Variants in DUSP10 observed in about 807,000 individuals in gnomAD.
DUSP10 encodes dual specificity phosphatase 10.
Under a neutral mutation model 30.8 loss-of-function variants are expected in DUSP10, and 14 were observed. The observed-to-expected ratio is 0.46, with a 90% CI of 0.30 to 0.71. The LOEUF is 0.71. Ranked by LOEUF, DUSP10 falls within the 30% of genes least tolerant of loss-of-function variation. DUSP10 has a pLI of 0.08. For synonymous variants in DUSP10, 254 were observed against 250.4 expected, an observed-to-expected ratio of 1.01 and a Z score of -0.14; for missense variants, 550 against 619.4, an observed-to-expected ratio of 0.89 and a Z score of 1.19.
intron 2 of DUSP10, among the ~76,000 whole-genome samples, chr1:221,714,234 C>G (rs965508652): frequency 1.3e-5 from 2 of 152,122 alleles, no homozygotes; most frequent in East Asian, 3.8e-4. Context: ...CATAGTGATA[C>G]AGGAGTTAAG....
At chr1:221,703,097 A>C (rs1660653230) in intron 3 of DUSP10, among the ~76,000 whole-genome samples, 1 of 152,116 alleles carries the variant, frequency 6.6e-6, no homozygotes, top group Admixed American at 6.6e-5. Flanking sequence ...TACACTACTG[A>C]AAGAAAAAAA....
At chr1:221,729,785 C>T (rs1661528145) in intron 2 of DUSP10, among the ~76,000 whole-genome samples, 1 of 152,134 alleles carries the variant, frequency 6.6e-6, no homozygotes, top group African/African-American at 2.4e-5. Flanking sequence ...CTCATGAGAA[C>T]CATAAGACCC....
In DUSP10 at chr1:221,722,963, A is replaced by AGGC. The variant is rs879940770; in HGVS notation, c.811+15970_811+15971insGCC. ...ATGAAATGTAATAGGACATACCACA[A>AGGC]AAGCGTAATTCCAGACAAGGCAAAT... On this transcript the variant is annotated intron_variant, in intron 2 of 3. Transcript: ENST00000366899. Among the ~76,000 whole-genome samples, 1,308 of 152,354 alleles carry AGGC rather than the reference A, an allele frequency of 8.6e-3. 42 individuals carry two copies. Among genetic ancestry groups the AGGC allele is most frequent in the East Asian group, 0.061 (316 of 5,188 alleles).
intron 2 of DUSP10, among the ~76,000 whole-genome samples, chr1:221,713,222 A>C (rs1660994352): frequency 6.6e-6 from 1 of 152,246 alleles, no homozygotes; most frequent in Admixed American, 6.5e-5. Context: ...AGGAGCCATG[A>C]GGACAGCCCA....
At chr1:221,711,038 C>T (rs182937297) in intron 2 of DUSP10, among the ~76,000 whole-genome samples, 1 of 152,260 alleles carries the variant, frequency 6.6e-6, no homozygotes, top group Non-Finnish European at 1.5e-5. Flanking sequence ...TTCTAAATGG[C>T]AGCAACAAAG....
At chr1:221,705,232 C>T (rs1466686580) in intron 3 of DUSP10, among the ~76,000 whole-genome samples, 7 of 151,814 alleles carry the variant, frequency 4.6e-5, no homozygotes, top group Admixed American at 3.9e-4. Flanking sequence ...GCCTCAGCCT[C>T]CTGAGTAGCT....
chr1:221,722,696 G>C (rs1432923200), intron 2 of DUSP10, among the ~76,000 whole-genome samples: 2 of 152,210 alleles, frequency 1.3e-5, no homozygotes, highest in South Asian at 4.1e-4. Flanking sequence ...GGCCCCAAGA[G>C]ATACTCATAG....
At chr1:221,716,072 A>G (rs1315081763) in intron 2 of DUSP10, among the ~76,000 whole-genome samples, 3 of 145,548 alleles carry the variant, frequency 2.1e-5, no homozygotes, top group Non-Finnish European at 3.0e-5. Context: ...CCCTCTCCCT[A>G]CACCTTCTCT....
chr1:221,710,386 T>G (rs562378127), intron 2 of DUSP10, among the ~76,000 whole-genome samples: 1 of 152,286 alleles, frequency 6.6e-6, no homozygotes, highest in South Asian at 2.1e-4. Context: ...TTTCCCTGTA[T>G]ACAAAACAGG....
At chr1:221,740,779 T>G (rs912438277) in intron 1 of DUSP10, among the ~76,000 whole-genome samples, 4 of 152,230 alleles carry the variant, frequency 2.6e-5, no homozygotes, top group Non-Finnish European at 5.9e-5. Context: ...TAGCCTGTAC[T>G]CGTTGAAAGG....
At chr1:221,723,219 C>A (rs1453610380) in intron 2 of DUSP10, among the ~76,000 whole-genome samples, 1 of 152,158 alleles carries the variant, frequency 6.6e-6, no homozygotes, top group Non-Finnish European at 1.5e-5. Context: ...CAGAGGCCTG[C>A]CTGCCTCCCA....
intron 2 of DUSP10, among the ~76,000 whole-genome samples, chr1:221,732,419 C>A (rs1661639409): frequency 6.6e-6 from 1 of 152,104 alleles, no homozygotes; most frequent in African/African-American, 2.4e-5. Context: ...ATATATAGAC[C>A]ATGAACTGCT....
At chr1:221,724,472 T>G (rs1661367375) in intron 2 of DUSP10, among the ~76,000 whole-genome samples, 1 of 152,176 alleles carries the variant, frequency 6.6e-6, no homozygotes, top group South Asian at 2.1e-4. Flanking sequence ...AATGAAATAT[T>G]TTACATTATT....
chr1:221,703,226 T>G (rs1660660783), intron 3 of DUSP10, among the ~76,000 whole-genome samples: 1 of 152,116 alleles, frequency 6.6e-6, no homozygotes, highest in Non-Finnish European at 1.5e-5. Flanking sequence ...TGTGTATATA[T>G]ATATATATGC....
chr1:221,736,805 T>C, intron 2 of DUSP10: 1 of 985,314 alleles, frequency 1.0e-6, no homozygotes, highest in South Asian at 4.7e-5. Flanking sequence ...TTCCCAGATA[T>C]TTGAAGAAAA....
chr1:221,730,229 A>G (rs952434111), intron 2 of DUSP10, among the ~76,000 whole-genome samples: 1 of 152,222 alleles, frequency 6.6e-6, no homozygotes, highest in Non-Finnish European at 1.5e-5. Flanking sequence ...ATATTAAGGA[A>G]CCGGATAGTG....
intron 2 of DUSP10, among the ~76,000 whole-genome samples, chr1:221,726,560 G>C (rs1661430667): frequency 6.6e-6 from 1 of 152,018 alleles, no homozygotes; most frequent in Non-Finnish European, 1.5e-5. Context: ...AGTCAGGGCG[G>C]GATTAGTAAT....
intron 2 of DUSP10, among the ~76,000 whole-genome samples, chr1:221,731,677 C>T (rs367559650): frequency 1.4e-5 from 2 of 143,804 alleles, no homozygotes; most frequent in East Asian, 2.0e-4. Context: ...GGCGGGATCT[C>T]GGCTCACTCC....
intron 2 of DUSP10, chr1:221,737,573 ACT>A: frequency 3.7e-6 from 2 of 540,824 alleles, no homozygotes; most frequent in Non-Finnish European, 4.7e-6. Context: ...AGCTTCTGGA[ACT>A]CTCTACATAC....
Sources: allele counts gnomAD v4.1 joint callset (sites outside exome capture counted in the v4.1 genomes callset), GRCh38; gene constraint gnomAD v4.1.1; transcripts MANE v1.5; gene names NCBI Gene and HGNC (gene_info 2026-07-23, HGNC 2026-07-21).